The following DAB1 variants were observed in gnomAD, a reference collection of about 807,000 sequenced individuals.
The protein encoded by DAB1 is disabled homolog 1.
A neutral mutation model predicts 64.6 loss-of-function variants in DAB1; 15 were observed. The ratio of observed to expected loss-of-function variants is 0.23; its 90% CI spans 0.16 to 0.36. The LOEUF is 0.36. Among genes scored for constraint, DAB1 ranks in the 10% least tolerant of loss-of-function variants. The probability of loss-of-function intolerance (pLI) is 1.00; values close to 1 mark genes in which losing one functional copy is unlikely to be tolerated. For synonymous variants in DAB1, 235 were observed against 251.9 expected (o/e 0.93, Z 0.64); for missense variants, 596 against 706.7 (o/e 0.84, Z 1.78).
chr1:58,129,284 C>T (rs1320896040), intron 5 of DAB1, among the ~76,000 whole-genome samples: 1 of 151,390 alleles, frequency 6.6e-6, no homozygotes, highest in Non-Finnish European at 1.5e-5. Flanking sequence ...GTTTGTATTT[C>T]TGTGGGATCG....
chr1:57,544,647 AGTTCCCATAATCCCCAT>A (rs988713369), intron 7 of DAB1, among the ~76,000 whole-genome samples: 8 of 152,200 alleles, frequency 5.3e-5, no homozygotes, highest in Non-Finnish European at 1.5e-5. Context: ...CTTGAATTGT[AGTTCCCATAATCCCCAT>A]GTGTCATGGG....
chr1:58,472,506 C>T (rs945208698), intron 3 of DAB1, among the ~76,000 whole-genome samples: 2 of 152,202 alleles, frequency 1.3e-5, no homozygotes, highest in Non-Finnish European at 2.9e-5. Context: ...GAGGGAGAAG[C>T]GGTTCCCTTC....
At chr1:57,020,109 CA>C (rs973372522) in intron 11 of DAB1, among the ~76,000 whole-genome samples, 41 of 146,210 alleles carry the variant, frequency 2.8e-4, no homozygotes, top group East Asian at 3.9e-4. Context: ...AAACAGTCAC[CA>C]AAAAAAAAAA....
chr1:58,022,305 T>C (rs1646826349), intron 5 of DAB1, among the ~76,000 whole-genome samples: 2 of 152,202 alleles, frequency 1.3e-5, no homozygotes, highest in African/African-American at 4.8e-5. Context: ...ACTCTCAGTA[T>C]GCAAGACAGA....
At chr1:58,359,535 T>A (rs573181931) in intron 3 of DAB1, among the ~76,000 whole-genome samples, 13 of 152,324 alleles carry the variant, frequency 8.5e-5, no homozygotes, top group African/African-American at 3.1e-4. Context: ...GTAAGTCTAT[T>A]GCTCAGTGTC....
At chr1:58,465,139 C>G (rs1645281661) in intron 3 of DAB1, among the ~76,000 whole-genome samples, 1 of 152,202 alleles carries the variant, frequency 6.6e-6, no homozygotes, top group South Asian at 2.1e-4. Flanking sequence ...CTCCTCTGGA[C>G]AGGTGCAGTC....
intron 5 of DAB1, among the ~76,000 whole-genome samples, chr1:58,009,195 G>A (rs1278064474): frequency 6.6e-6 from 1 of 152,126 alleles, no homozygotes; most frequent in African/African-American, 2.4e-5. Flanking sequence ...GATGTCTCAA[G>A]AATTTGACCA....
chr1:58,280,032 G>A lies in DAB1; in HGVS notation n.309+63320C>T, dbSNP rs530831328. Among the ~76,000 whole-genome samples, 4 of 152,150 alleles carry A rather than the reference G, an allele frequency of 2.6e-5. No individual in the cohort carries two copies. In the South Asian group the frequency reaches 8.3e-4, roughly 32 times the overall value. On this transcript the variant is annotated intron_variant and non_coding_transcript_variant, in intron 4 of 20. Coordinates refer to the DAB1 transcript ENST00000485760. The stretch of plus-strand genomic sequence containing the variant: ...TGCACACCCTGAGTGGGAGATTCTG[G>A]GAAGGAAAGAATTACCTTCAGCCAA...
rs751516143 is a variant in DAB1, at chr1:57,486,414, G to A, written n.625+163178C>T. Among the ~76,000 whole-genome samples, 46 of 152,160 alleles carry A rather than the reference G, an allele frequency of 3.0e-4. 1 individual carries two copies. The highest frequency in any genetic ancestry group is 6.5e-5 in the Admixed American group (1 of 15,280). ...GAAATACAGCAAAGTGCTGTCCTTT[G>A]TGGGACCCAGAGGAGGAGAGACTGC... On this transcript the variant is annotated intron_variant and non_coding_transcript_variant, in intron 7 of 20. Transcript: ENST00000485760.
chr1:58,292,018 TGAACA>T, intron 4 of DAB1, among the ~76,000 whole-genome samples: 1 of 152,214 alleles, frequency 6.6e-6, no homozygotes, highest in South Asian at 2.1e-4. Context: ...ATTGAGGCCT[TGAACA>T]GAACAAAAGG....
chr1:58,049,891 G>C (rs193134567), intron 5 of DAB1, among the ~76,000 whole-genome samples: 1 of 150,078 alleles, frequency 6.7e-6, no homozygotes, highest in East Asian at 1.9e-4. Context: ...TTTTAGCCTG[G>C]TAGGGAAAGA....
chr1:57,731,270 T>C (rs1165125699), intron 6 of DAB1, among the ~76,000 whole-genome samples: 1 of 152,070 alleles, frequency 6.6e-6, no homozygotes, highest in Non-Finnish European at 1.5e-5. Flanking sequence ...AGAATATTAG[T>C]CAAACTCATA....
At chr1:57,375,182 T>TG (rs927824152) in intron 1 of DAB1, among the ~76,000 whole-genome samples, 2 of 152,152 alleles carry the variant, frequency 1.3e-5, no homozygotes, top group African/African-American at 4.8e-5. Context: ...AGCAGGTGGC[T>TG]GTCTCCTCTC....
At chr1:58,312,522 G>C (rs1211156227) in intron 4 of DAB1, among the ~76,000 whole-genome samples, 1 of 152,200 alleles carries the variant, frequency 6.6e-6, no homozygotes, top group East Asian at 1.9e-4. Flanking sequence ...ATCTTGGGCT[G>C]ATGTTTATCC....
intron 7 of DAB1, among the ~76,000 whole-genome samples, chr1:57,620,367 G>A (rs1013847788): frequency 6.6e-6 from 1 of 152,196 alleles, no homozygotes; most frequent in Non-Finnish European, 1.5e-5. Context: ...GGTTAAACGA[G>A]AATGATAGGT....
chr1:57,423,606 A>G (rs553878181), intron 1 of DAB1, among the ~76,000 whole-genome samples: 96 of 152,000 alleles, frequency 6.3e-4, no homozygotes, highest in African/African-American at 2.2e-3. Flanking sequence ...GGTCTTGGAG[A>G]GAGACGCGTG....
chr1:57,544,507 C>T, intron 7 of DAB1, among the ~76,000 whole-genome samples: 1 of 152,184 alleles, frequency 6.6e-6, no homozygotes, highest in Non-Finnish European at 1.5e-5. Flanking sequence ...ATTGTAGTCA[C>T]TTCCTAATTA....
intron 5 of DAB1, among the ~76,000 whole-genome samples, chr1:58,045,935 ATTTTT>A (rs61118687): frequency 0.43 from 61,709 of 145,160 alleles, 13,496 homozygotes; most frequent in Non-Finnish European, 0.51. Flanking sequence ...AAGATTATCA[ATTTTT>A]TTTTTTTTTT....
chr1:58,514,205 T>C (rs906983584), intron 2 of DAB1, among the ~76,000 whole-genome samples: 3 of 152,094 alleles, frequency 2.0e-5, no homozygotes, highest in Non-Finnish European at 4.4e-5. Context: ...AGAATATAAA[T>C]GTATATGAAT....
Sources: gnomAD v4.1 joint callset for allele counts (sites outside exome capture counted in the v4.1 genomes callset) on GRCh38, gnomAD v4.1.1 for gene constraint, MANE v1.5 for transcripts, NCBI Gene and HGNC (gene_info 2026-07-23, HGNC 2026-07-21) for gene names.